Variants in SIPA1L2 observed in about 807,000 individuals in gnomAD.
SIPA1L2 encodes the protein signal-induced proliferation-associated 1-like protein 2.
Under a neutral mutation model 163.9 loss-of-function variants are expected in SIPA1L2, and 56 were observed. That is an observed-to-expected ratio of 0.34 (90% CI 0.28 to 0.43). SIPA1L2 has a LOEUF of 0.43. Ranked by LOEUF, SIPA1L2 falls within the 20% of genes least tolerant of loss-of-function variation. SIPA1L2 has a pLI of 1.00. For missense variants in SIPA1L2, 1,974 were observed against 2,193.5 expected (o/e 0.90, Z 2.00); for synonymous variants, 877 against 865.7 (o/e 1.01, Z -0.23).
At chr1:232,487,316 G>C (rs1381053791) in intron 5 of SIPA1L2, among the ~76,000 whole-genome samples, 1 of 152,186 alleles carries the variant, frequency 6.6e-6, no homozygotes, top group Admixed American at 6.5e-5. Context: ...ATATCTTTGA[G>C]TGTGCAATAA....
At chr1:232,529,794 T>C (rs1667885838) in intron 2 of SIPA1L2, among the ~76,000 whole-genome samples, 1 of 152,224 alleles carries the variant, frequency 6.6e-6, no homozygotes, top group Non-Finnish European at 1.5e-5. Flanking sequence ...TTGCTTTTAT[T>C]CTTATGGAGG....
At chr1:232,457,783 G>A (rs987961599) in intron 10 of SIPA1L2, among the ~76,000 whole-genome samples, 3 of 152,278 alleles carry the variant, frequency 2.0e-5, no homozygotes, top group South Asian at 2.1e-4. Context: ...CATGCTGAGC[G>A]CGAGGGTGAA....
chr1:232,509,636 G>A (rs930706684), intron 3 of SIPA1L2, among the ~76,000 whole-genome samples: 5 of 152,120 alleles, frequency 3.3e-5, no homozygotes, highest in Admixed American at 6.5e-5. Context: ...TGGCTGAAGC[G>A]GGAATGGGAA....
intron 2 of SIPA1L2, among the ~76,000 whole-genome samples, chr1:232,517,254 G>A (rs1350794068): frequency 6.6e-6 from 1 of 151,996 alleles, no homozygotes; most frequent in African/African-American, 2.4e-5. Flanking sequence ...AAATAATGAG[G>A]ACAAACCCTA....
chr1:232,490,914 G>A lies in SIPA1L2; in HGVS notation c.1766C>T (p.Pro589Leu). 1 of 1,614,028 alleles carries A rather than the reference G, an allele frequency of 6.2e-7. No homozygotes were observed. Among genetic ancestry groups the A allele is most frequent in the Non-Finnish European group, 8.5e-7 (1 of 1,179,972 alleles). The change falls in exon 5 of 23, where the codon CCC becomes CTC. Residue 589 changes from proline to leucine, a missense_variant. Pro to Leu is a moderately conservative substitution (Grantham distance 98). This residue lies in a region of SIPA1L2 where 288 missense variants were observed against 418.9 expected (regional missense o/e 0.69). Transcript: ENST00000674635. ...IQCLRQASNS[P>L]KVSEQLLKLD... ...CTTGAGCAGCTGCTCTGAGACCTTG[G>A]GTGAGTTGGAAGCCTGTCGCAAACA...
Position 232,398,013 on chromosome 1 carries a change from T to C in SIPA1L2, c.*1114A>G, listed in dbSNP as rs1462944789. The stretch of plus-strand genomic sequence containing the variant: ...ACATTTATTAAAAAAGCAAAATGTA[T>C]GTTCATCTCAAATCTAACAGTTAAA... On this transcript the variant is annotated 3_prime_UTR_variant, in exon 23 of 23. Transcript: ENST00000674635. The C allele has an allele frequency of 6.6e-6, 1 of 152,604 alleles. No individual in the cohort carries two copies. The highest frequency in any genetic ancestry group is 1.5e-5 in the Non-Finnish European group (1 of 68,046). The allele number at this position is 152,604 out of a possible 1,614,324, so 9.5% of individuals were successfully genotyped here.
At chr1:232,583,696 C>T (rs1394443320) in intron 1 of SIPA1L2, among the ~76,000 whole-genome samples, 1 of 152,144 alleles carries the variant, frequency 6.6e-6, no homozygotes, top group Non-Finnish European at 1.5e-5. Flanking sequence ...TTAAGGACAG[C>T]TACTAAAAGC....
At chr1:232,459,383 A>G (rs190868503) in intron 10 of SIPA1L2, among the ~76,000 whole-genome samples, 1 of 152,346 alleles carries the variant, frequency 6.6e-6, no homozygotes, top group Admixed American at 6.5e-5. Context: ...GGAAGAAAGG[A>G]AACAGAGAAA....
intron 1 of SIPA1L2, among the ~76,000 whole-genome samples, chr1:232,626,608 A>G (rs933890638): frequency 1.2e-4 from 19 of 152,200 alleles, no homozygotes; most frequent in African/African-American, 4.6e-4. Context: ...CCACACTTTT[A>G]AAAGGAGTCA....
rs771042888 is a variant in SIPA1L2 at position 232,514,515 on chromosome 1, G to C, written c.825C>G (p.Asp275Glu). The change falls in exon 3 of 23, where the codon GAC becomes GAG. Residue 275 changes from aspartate to glutamate, a missense_variant. By Grantham distance (45) the Asp-to-Glu change is conservative. This residue lies in a region of SIPA1L2 where 607 missense variants were observed against 624.0 expected (regional missense o/e 0.97). Transcript: ENST00000674635. ...DSALLMGRDR[D>E]KPFKRRLKSE... ...ATTTCAACCTCCGTTTGAAAGGCTT[G>C]TCCCTGTCTCTCCCCATCAGGAGGG... 1.2e-6 allele frequency: 2 copies of C among 1,614,166 alleles called. No homozygotes were observed. The highest frequency in any genetic ancestry group is 2.2e-5 in the East Asian group (1 of 44,866).
intron 7 of SIPA1L2, among the ~76,000 whole-genome samples, chr1:232,471,925 C>T (rs537055079): frequency 2.6e-5 from 4 of 152,264 alleles, no homozygotes; most frequent in Admixed American, 6.5e-5. Context: ...ACTATCACAC[C>T]GGCGGGCTTC....
chr1:232,513,829 C>A, intron 3 of SIPA1L2, 28 bp downstream of exon 3: 2 of 1,532,010 alleles, frequency 1.3e-6, no homozygotes, highest in South Asian at 2.6e-5. Flanking sequence ...TCCCGAGACA[C>A]ATGCAAACGC....
At chr1:232,624,025 ATTTGT>A (rs1197648670) in intron 1 of SIPA1L2, among the ~76,000 whole-genome samples, 4 of 152,182 alleles carry the variant, frequency 2.6e-5, no homozygotes, top group Non-Finnish European at 5.9e-5. Flanking sequence ...TAAAATGTAC[ATTTGT>A]TTTATGTCCA....
chr1:232,428,640 G>T, intron 16 of SIPA1L2, 76 bp from the exon 17 acceptor site: 1 of 1,217,676 alleles, frequency 8.2e-7, no homozygotes, highest in Non-Finnish European at 1.1e-6. Flanking sequence ...AACCTAGGAA[G>T]CAGTTTCAAC....
At chr1:232,529,248 A>G (rs1167946587) in intron 2 of SIPA1L2, among the ~76,000 whole-genome samples, 1 of 152,120 alleles carries the variant, frequency 6.6e-6, no homozygotes, top group Non-Finnish European at 1.5e-5. Context: ...CTTGCTTGGA[A>G]TGTTTTTCTT....
rs758241330 is a variant in SIPA1L2 at position 232,471,399 on chromosome 1, T to A, written c.2215A>T (p.Asn739Tyr). The change falls in exon 8 of 23, where the codon AAT becomes TAT. Residue 739 changes from asparagine (N) to tyrosine (Y), a missense_variant. Asn to Tyr is a moderately radical substitution (Grantham distance 143). Coordinates refer to ENST00000674635, the MANE Select transcript of SIPA1L2 (RefSeq NM_020808.5). Reference protein sequence around the residue: ...QHVFVIVKVHNPCTENVCYSV... With the variant: ...QHVFVIVKVHYPCTENVCYSV... ...TAACACACATTTTCGGTACATGGAT[T>A]ATGCACTTTGACTATGACAAAGACA... The A allele has an allele frequency of 6.2e-6, 10 of 1,613,908 alleles. No individual in the cohort carries two copies. The highest frequency in any genetic ancestry group is 4.4e-5 in the South Asian group (4 of 91,064).
chr1:232,464,154 GATTT>G (rs1017769120), intron 9 of SIPA1L2, among the ~76,000 whole-genome samples: 4 of 152,092 alleles, frequency 2.6e-5, no homozygotes, highest in Admixed American at 2.6e-4. Flanking sequence ...GAAGTAGTTT[GATTT>G]ATTCTTACTA....
At chr1:232,420,698 G>A (rs149559865) in intron 18 of SIPA1L2, among the ~76,000 whole-genome samples, 2,853 of 152,242 alleles carry the variant, frequency 0.019, 97 homozygotes, top group African/African-American at 0.064. Context: ...AGCCAGGTGC[G>A]GTGGTGGATG....
chr1:232,541,247 T>TTAACATAACA (rs200351522), intron 2 of SIPA1L2, among the ~76,000 whole-genome samples: 15,320 of 144,510 alleles, frequency 0.11, 920 homozygotes, highest in Non-Finnish European at 0.12. Flanking sequence ...TAACATAACA[T>TTAACATAACA]TAACATAACA....
Sources: gnomAD v4.1 joint callset for allele counts (sites outside exome capture counted in the v4.1 genomes callset) on GRCh38, gnomAD v4.1.1 for gene constraint, gnomAD v4.1.1 regional missense constraint, MANE v1.5 for transcripts, NCBI Gene and HGNC (gene_info 2026-07-23, HGNC 2026-07-21) for gene names.